The following PIAS2 variants were observed in gnomAD, a reference collection of about 807,000 sequenced individuals.
PIAS2 encodes protein inhibitor of activated STAT 2.
PIAS2 carries 19 observed loss-of-function variants against 69.7 expected under a neutral mutation model. The observed-to-expected ratio is 0.27, with a 90% confidence interval of 0.19 to 0.40. PIAS2 has a LOEUF of 0.40. Ranked by LOEUF, PIAS2 falls within the 10% of genes least tolerant of loss-of-function variation. The pLI is 1.00. For synonymous variants in PIAS2, 261 were observed against 263.2 expected, an observed-to-expected ratio of 0.99 and a Z score of 0.08; for missense variants, 624 against 757.0, an observed-to-expected ratio of 0.82 and a Z score of 2.06.
chr18:46,917,617 A>T (rs2146410935), upstream of PIAS2: 2 of 956,466 alleles, frequency 2.1e-6, no homozygotes, highest in Middle Eastern at 5.1e-4. Context: ...GCGCGGCGAC[A>T]GCGCCCGCCC....
chr18:46,844,150 A>AG, intron 7 of PIAS2, 23 bp from the exon 8 acceptor site: 2 of 1,255,344 alleles, frequency 1.6e-6, no homozygotes, highest in Non-Finnish European at 2.2e-6. Context: ...GAGAAAAAAA[A>AG]AAATTTAAAA....
At chr18:46,854,154 G>A (rs1436355257) in intron 5 of PIAS2, among the ~76,000 whole-genome samples, 1 of 152,176 alleles carries the variant, frequency 6.6e-6, no homozygotes, top group African/African-American at 2.4e-5. Flanking sequence ...CAAGACCAGG[G>A]TCAGTCTCAG....
chr18:46,900,792 G>A (rs1248925351), intron 1 of PIAS2, among the ~76,000 whole-genome samples: 3 of 151,812 alleles, frequency 2.0e-5, no homozygotes, highest in Admixed American at 6.6e-5. Flanking sequence ...TGGCCAAGAT[G>A]GTGAAACCCC....
intron 1 of PIAS2, among the ~76,000 whole-genome samples, chr18:46,895,170 A>T (rs1298233191): frequency 6.6e-6 from 1 of 152,116 alleles, no homozygotes; most frequent in East Asian, 1.9e-4. Context: ...TTGCTCTTCA[A>T]TTCTAAAACA....
chr18:46,818,359 ATT>A lies in PIAS2; in HGVS notation c.1648+2572_1648+2573del, dbSNP rs762714068. 8 of 1,522,682 alleles carry A rather than the reference ATT, an allele frequency of 5.3e-6. No individual in the cohort carries two copies. In the African/African-American group the frequency reaches 9.9e-5, roughly 19 times the overall value. The allele number at this position is 1,522,682 out of a possible 1,614,324, so 94.3% of individuals were successfully genotyped here. A position where few individuals can be genotyped will look rare whatever the true frequency, so the allele number is the denominator to read the frequency against. On this transcript the variant is annotated intron_variant, in intron 12 of 13. Transcript: ENST00000585916. ...GTTTTCCACTCCATAAATACAAATT[ATT>A]TGTTTTATTTTGTATTCACTGTTGC...
chr18:46,881,755 G>A (rs1057036117), intron 2 of PIAS2, among the ~76,000 whole-genome samples: 2 of 152,178 alleles, frequency 1.3e-5, no homozygotes, highest in African/African-American at 4.8e-5. Flanking sequence ...CCCTAACTGT[G>A]TAACAAACAC....
intron 12 of PIAS2, among the ~76,000 whole-genome samples, chr18:46,818,764 T>G (rs1201586645): frequency 6.6e-6 from 1 of 152,132 alleles, no homozygotes; most frequent in Non-Finnish European, 1.5e-5. Context: ...ATAGATCCTA[T>G]TCTATTCAGT....
upstream of PIAS2, chr18:46,917,872 A>G (rs901936745): frequency 6.6e-6 from 1 of 152,282 alleles, no homozygotes; most frequent in Non-Finnish European, 1.5e-5. Flanking sequence ...AGCCGCCGCA[A>G]ATAAAACCAT....
intron 2 of PIAS2, among the ~76,000 whole-genome samples, chr18:46,889,833 T>C (rs1481155742): frequency 6.6e-6 from 1 of 152,168 alleles, no homozygotes; most frequent in Non-Finnish European, 1.5e-5. Context: ...AAGTGTCCAA[T>C]GGATAAGCAA....
At position 46,890,692 on chromosome 18, in the gene PIAS2, T is replaced by C. The variant is rs146944403; in HGVS notation, c.387A>G (p.Thr129=). Residue 129 remains threonine, a synonymous_variant, in exon 2 of 14, where the codon ACA becomes ACG. Coordinates refer to ENST00000585916, the MANE Select transcript of PIAS2 (RefSeq NM_004671.5). Reference sequence around the variant, plus strand: ...GGGGAGATGGCTGCTGCATCTCAAATGTGGGCTTAGTATCTTGAAGCAGCA... The same window carrying C: ...GGGGAGATGGCTGCTGCATCTCAAACGTGGGCTTAGTATCTTGAAGCAGCA... ...GSVLLQDTKP[T]FEMQQPSPPI... is the part of the protein sequence containing the mutation. The C allele has an allele frequency of 3.1e-6, 5 of 1,614,024 alleles. No homozygotes were observed. The highest frequency in any genetic ancestry group is 3.4e-6 in the Non-Finnish European group (4 of 1,180,022).
chr18:46,892,242 G>T (rs978106902), intron 1 of PIAS2, among the ~76,000 whole-genome samples: 3 of 152,120 alleles, frequency 2.0e-5, no homozygotes, highest in Admixed American at 1.3e-4. Flanking sequence ...TTAAATACTT[G>T]TTGGTATAAA....
At chr18:46,816,237 A>C in intron 12 of PIAS2, 1 of 984,766 alleles carries the variant, frequency 1.0e-6, no homozygotes, top group Non-Finnish European at 1.2e-6. Flanking sequence ...CCACACAGAG[A>C]AAGTCTGACA....
At chr18:46,909,118 T>A (rs935716639) in intron 1 of PIAS2, among the ~76,000 whole-genome samples, 9 of 152,134 alleles carry the variant, frequency 5.9e-5, no homozygotes, top group African/African-American at 1.2e-4. Context: ...ATAATTTTTT[T>A]AAAAAACTAG....
Position 46,811,968 on chromosome 18 carries a change from A to G in PIAS2, c.*465T>C, listed in dbSNP as rs2144692116. 1 of 152,852 alleles carries G rather than the reference A, an allele frequency of 6.5e-6. No individual in the cohort carries two copies. Among genetic ancestry groups the G allele is most frequent in the South Asian group, 2.1e-4 (1 of 4,856 alleles). 9.5% of individuals were successfully genotyped at this position (152,852 alleles called of 1,614,324 possible). ...AAATCTCCATGGAAAGGACTCATTC[A>G]GCAAACATTAAGTTCTTTCCATATA... On this transcript the variant is annotated 3_prime_UTR_variant, in exon 14 of 14. Transcript: ENST00000585916.
intron 1 of PIAS2, among the ~76,000 whole-genome samples, chr18:46,898,289 T>C (rs989123265): frequency 3.3e-5 from 5 of 152,048 alleles, no homozygotes; most frequent in African/African-American, 9.7e-5. Flanking sequence ...TTGGGATTAC[T>C]GGCACACACC....
At chr18:46,911,433 C>T (rs532550267) in intron 1 of PIAS2, among the ~76,000 whole-genome samples, 1 of 151,998 alleles carries the variant, frequency 6.6e-6, no homozygotes, top group South Asian at 2.1e-4. Context: ...CCAGGCTGGT[C>T]TCTAACTCCT....
intron 5 of PIAS2, among the ~76,000 whole-genome samples, chr18:46,851,490 T>A (rs2046960851): frequency 6.6e-6 from 1 of 152,216 alleles, no homozygotes; most frequent in African/African-American, 2.4e-5. Flanking sequence ...AATGTTCTCA[T>A]CTGGCTGTCA....
intron 1 of PIAS2, among the ~76,000 whole-genome samples, chr18:46,914,546 AAT>A (rs1013092181): frequency 1.3e-5 from 2 of 151,618 alleles, no homozygotes; most frequent in African/African-American, 4.8e-5. Flanking sequence ...TGCCTAATCG[AAT>A]AACCAACCCT....
intron 1 of PIAS2, among the ~76,000 whole-genome samples, chr18:46,907,185 G>A (rs541850000): frequency 1.3e-5 from 2 of 152,286 alleles, no homozygotes; most frequent in South Asian, 2.1e-4. Context: ...TAACCAGCAA[G>A]AGATGGTTTC....
Sources: gnomAD v4.1 joint callset for allele counts (sites outside exome capture counted in the v4.1 genomes callset) on GRCh38, gnomAD v4.1.1 for gene constraint, MANE v1.5 for transcripts, NCBI Gene and HGNC (gene_info 2026-07-23, HGNC 2026-07-21) for gene names.